The following DCTN6 variants were observed in gnomAD, a reference collection of about 807,000 sequenced individuals.
DCTN6 encodes dynactin 6.
In DCTN6, 15 loss-of-function variants were observed where a neutral mutation model predicts 25.8. The ratio of observed to expected loss-of-function variants is 0.58; its 90% CI spans 0.39 to 0.89. The LOEUF (loss-of-function observed/expected upper bound fraction) is 0.89, where lower values mean the gene tolerates loss of function less well. Ranked by LOEUF, DCTN6 falls within the 40% of genes least tolerant of loss-of-function variation. The pLI, the probability that DCTN6 is intolerant of heterozygous loss-of-function variation, is 0.00. For missense variants in DCTN6, 198 were observed against 237.6 expected, an observed-to-expected ratio of 0.83 and a Z score of 1.09; for synonymous variants, 64 against 78.3, an observed-to-expected ratio of 0.82 and a Z score of 0.96.
rs1371592189 is a variant in DCTN6, at chr8:30,180,751, G to A, written c.474+121G>A. On this transcript the variant is annotated intron_variant, in intron 6 of 6. Coordinates refer to ENST00000221114, the MANE Select transcript of DCTN6 (RefSeq NM_006571.4). ...ACATAATTAAAATAAAACAAAAGATGCCAGTCTCAGTGACTCGTGCCTGGA... is the reference window on the plus strand; with the variant it reads ...ACATAATTAAAATAAAACAAAAGATACCAGTCTCAGTGACTCGTGCCTGGA... 20 of 1,216,492 alleles carry A rather than the reference G, an allele frequency of 1.6e-5. No homozygotes were observed. The Admixed American group carries it at 5.7e-4, about 34-fold the overall frequency. The allele number at this position is 1,216,492 out of a possible 1,614,324, so 75.4% of individuals were successfully genotyped here. A position where few individuals can be genotyped will look rare whatever the true frequency, so the allele number is the denominator to read the frequency against.
At chr8:30,177,024 GATGTAGGTAAA>G (rs2117596101) in intron 3 of DCTN6, 91 bp from the exon 4 acceptor site, 1 of 789,378 alleles carries the variant, frequency 1.3e-6, no homozygotes, top group Admixed American at 2.4e-5. Context: ...TTTTAAGCTT[GATGTAGGTAAA>G]ATTGAAAGAA....
At chr8:30,159,763 CTTTT>C (rs35699156) in intron 1 of DCTN6, among the ~76,000 whole-genome samples, 17 of 129,682 alleles carry the variant, frequency 1.3e-4, no homozygotes, top group Admixed American at 1.6e-4. Flanking sequence ...GATTAGTTTT[CTTTT>C]TTTTTTTTTT....
chr8:30,167,666 G>T (rs986368888), intron 2 of DCTN6, among the ~76,000 whole-genome samples: 2 of 151,868 alleles, frequency 1.3e-5, no homozygotes, highest in African/African-American at 4.8e-5. Context: ...CAATTCTGAT[G>T]GTTAAAATGA....
intron 6 of DCTN6, among the ~76,000 whole-genome samples, chr8:30,182,316 A>C (rs1488928739): frequency 6.6e-6 from 1 of 152,168 alleles, no homozygotes; most frequent in Non-Finnish European, 1.5e-5. Context: ...AGTGAGTTTT[A>C]CAATCAGGAA....
At chr8:30,170,256 GC>G (rs756504418) in intron 2 of DCTN6, among the ~76,000 whole-genome samples, 3 of 150,546 alleles carry the variant, frequency 2.0e-5, no homozygotes, top group African/African-American at 4.9e-5. Flanking sequence ...TTCAGTCTGT[GC>G]CCAAAAAAGA....
At chr8:30,175,398 T>C (rs961580684) in intron 3 of DCTN6, among the ~76,000 whole-genome samples, 4 of 152,170 alleles carry the variant, frequency 2.6e-5, no homozygotes, top group African/African-American at 9.7e-5. Flanking sequence ...GAGAGCTGAG[T>C]AGCTGCCTAG....
chr8:30,175,757 T>G (rs1381945044), intron 3 of DCTN6, among the ~76,000 whole-genome samples: 1 of 152,158 alleles, frequency 6.6e-6, no homozygotes, highest in Non-Finnish European at 1.5e-5. Flanking sequence ...TACGTATGAA[T>G]TTTTCATAAA....
chr8:30,165,769 G>A (rs1399983869), intron 2 of DCTN6: 6 of 152,276 alleles, frequency 3.9e-5, no homozygotes, highest in African/African-American at 1.5e-4. Flanking sequence ...GCTGAGGCAG[G>A]ACAATTGCTT....
intron 1 of DCTN6, among the ~76,000 whole-genome samples, chr8:30,163,156 G>A (rs1466852706): frequency 1.3e-5 from 2 of 152,260 alleles, no homozygotes; most frequent in Non-Finnish European, 2.9e-5. Context: ...AATTAGCCAG[G>A]TGTGGTGGCA....
At chr8:30,176,792 A>G (rs1803841430) in intron 3 of DCTN6, 1 of 230,274 alleles carries the variant, frequency 4.3e-6, no homozygotes, top group African/African-American at 2.3e-5. Context: ...CCTGGGCAAC[A>G]TGGTGAAACC....
At chr8:30,173,334 TCAAGATAA>T (rs1239516140) in intron 2 of DCTN6, among the ~76,000 whole-genome samples, 4 of 152,210 alleles carry the variant, frequency 2.6e-5, no homozygotes, top group Admixed American at 6.5e-5. Context: ...TTCCCAGTTT[TCAAGATAA>T]CAAGTTCAAA....
intron 4 of DCTN6, among the ~76,000 whole-genome samples, chr8:30,178,973 G>A (rs941006819): frequency 1.6e-4 from 25 of 152,078 alleles, no homozygotes; most frequent in African/African-American, 4.3e-4. Context: ...TTTTAATAGC[G>A]TGGAATAATG....
chr8:30,173,682 A>T (rs551446883), intron 2 of DCTN6, among the ~76,000 whole-genome samples: 1 of 149,810 alleles, frequency 6.7e-6, no homozygotes, highest in African/African-American at 2.5e-5. Context: ...GGGAGTTATG[A>T]TCACACTACT....
At chr8:30,165,630 T>C (rs950341552) in intron 2 of DCTN6, 10 of 153,122 alleles carry the variant, frequency 6.5e-5, no homozygotes, top group Non-Finnish European at 1.3e-4. Flanking sequence ...TTTGTGAGGC[T>C]GAGGCGGGCG....
Position 30,181,329 on chromosome 8 carries a change from A to T in DCTN6, c.474+699A>T, listed in dbSNP as rs111872842. Among the ~76,000 whole-genome samples the T allele has an allele frequency of 1.0e-2, 1,523 of 152,330 alleles. 20 individuals are homozygous for T. Among genetic ancestry groups the T allele is most frequent in the South Asian group, 0.065 (313 of 4,826 alleles). ...CATACTACATTTATCCTGTGCCTCTAACTGGGGTGTGTCTATTTATTGCCA... is the reference window on the plus strand; with the variant it reads ...CATACTACATTTATCCTGTGCCTCTTACTGGGGTGTGTCTATTTATTGCCA... On this transcript the variant is annotated intron_variant, in intron 6 of 6. Transcript: ENST00000221114.
chr8:30,162,088 CTTTCT>C (rs1369934853), intron 1 of DCTN6, among the ~76,000 whole-genome samples: 12 of 148,630 alleles, frequency 8.1e-5, no homozygotes, highest in East Asian at 4.1e-4. Flanking sequence ...ACATTTACAC[CTTTCT>C]TTTCTTTTCT....
rs375644622 is a variant in DCTN6 at position 30,175,082 on chromosome 8, C to T, written c.89-3C>T. The T allele has an allele frequency of 1.1e-5, 17 of 1,613,746 alleles. No individual in the cohort carries two copies. In the African/African-American group the frequency reaches 1.3e-4, roughly 13 times the overall value. Reference sequence around the variant, plus strand: ...TAATTTCTTCTCAAACTATTTTTAACAGGACCTCGGACAGTGATCCACCCT... The same window carrying T: ...TAATTTCTTCTCAAACTATTTTTAATAGGACCTCGGACAGTGATCCACCCT... On this transcript the variant is annotated splice_polypyrimidine_tract_variant and splice_region_variant and intron_variant, in intron 2 of 6. Coordinates refer to ENST00000221114, the MANE Select transcript of DCTN6 (RefSeq NM_006571.4).
chr8:30,177,489 T>C (rs769807259), intron 4 of DCTN6: 8 of 212,554 alleles, frequency 3.8e-5, no homozygotes, highest in Non-Finnish European at 5.6e-5. Flanking sequence ...GGCGGATCAC[T>C]TGAGGCCAGG....
At chr8:30,179,788 A>T (rs1261871768) in intron 5 of DCTN6, among the ~76,000 whole-genome samples, 2 of 152,192 alleles carry the variant, frequency 1.3e-5, no homozygotes, top group Non-Finnish European at 2.9e-5. Context: ...GGGAAAAATC[A>T]AAGTTTCTGT....
Sources: allele counts gnomAD v4.1 joint callset (sites outside exome capture counted in the v4.1 genomes callset), GRCh38; gene constraint gnomAD v4.1.1; transcripts MANE v1.5; gene names NCBI Gene and HGNC (gene_info 2026-07-23, HGNC 2026-07-21).